DMTN: variants seen among roughly 807,000 people sequenced by gnomAD.
DMTN encodes dematin actin binding protein.
A neutral mutation model predicts 59.4 loss-of-function variants in DMTN; 27 were observed. The observed-to-expected ratio is 0.45, with a 90% CI of 0.33 to 0.63. The LOEUF (loss-of-function observed/expected upper bound fraction) is 0.63, where lower values mean the gene tolerates loss of function less well. Ranked by LOEUF, DMTN falls within the 20% of genes least tolerant of loss-of-function variation. DMTN has a pLI of 0.02. For synonymous variants in DMTN, 221 were observed against 203.7 expected (o/e 1.08, Z -0.72); for missense variants, 451 against 528.9 (o/e 0.85, Z 1.45).
At chr8:22,068,069 G>A (rs1050438728) in intron 4 of DMTN, among the ~76,000 whole-genome samples, 1 of 152,196 alleles carries the variant, frequency 6.6e-6, no homozygotes, top group Non-Finnish European at 1.5e-5. Flanking sequence ...CCATCCACGC[G>A]CAAGGTAGTG....
At chr8:22,078,737 T>C (rs1050769732) in intron 10 of DMTN, among the ~76,000 whole-genome samples, 2 of 151,502 alleles carry the variant, frequency 1.3e-5, no homozygotes, top group East Asian at 3.9e-4. Context: ...TGTTGACTGC[T>C]GGTACAATCC....
At position 22,080,411 on chromosome 8, in the gene DMTN, G is replaced by A; in HGVS notation, c.901-1G>A. 6.2e-7 allele frequency: 1 copy of A among 1,614,266 alleles called. No homozygotes were observed. Among genetic ancestry groups the A allele is most frequent in the Non-Finnish European group, 8.5e-7 (1 of 1,180,054 alleles). The stretch of plus-strand genomic sequence containing the variant: ...CTCTGATTCCTTTGTGTCCTTTCTA[G>A]CTACAGTCCACAGAGTTCAGCCCAT... On this transcript the variant is annotated splice_acceptor_variant, in intron 11 of 15. Coordinates refer to ENST00000358242, the MANE Select transcript of DMTN (RefSeq NM_001387751.1). LOFTEE classifies it high-confidence loss of function.
upstream of DMTN, chr8:22,049,182 G>C (rs1027621823): frequency 6.7e-6 from 1 of 149,126 alleles, no homozygotes; most frequent in African/African-American, 2.4e-5. Context: ...GCGGCCCGCG[G>C]ACGCCAGGAG....
upstream of DMTN, among the ~76,000 whole-genome samples, chr8:22,056,499 C>T (rs1802642862): frequency 6.6e-6 from 1 of 152,118 alleles, no homozygotes; most frequent in African/African-American, 2.4e-5. Context: ...CTCCCTCGAC[C>T]CACCGCCCAC....
chr8:22,069,336 G>A, intron 5 of DMTN, 83 bp from the exon 6 acceptor site: 2 of 1,222,532 alleles, frequency 1.6e-6, no homozygotes, highest in South Asian at 2.7e-5. Flanking sequence ...TGGGAGGACA[G>A]AGAGGGTGGT....
chr8:22,073,095 A>G (rs1036618923), intron 9 of DMTN, among the ~76,000 whole-genome samples: 5 of 152,214 alleles, frequency 3.3e-5, no homozygotes, highest in African/African-American at 1.2e-4. Flanking sequence ...GACCATTGAC[A>G]GTGACATGGG....
At chr8:22,054,862 C>G (rs545873219), upstream of DMTN, 30 of 152,846 alleles carry the variant, frequency 2.0e-4, no homozygotes, top group African/African-American at 5.5e-4. Context: ...TCCTCCCCCC[C>G]TCCCTGCTGC....
upstream of DMTN, chr8:22,048,952 C>T (rs1383522146): frequency 6.8e-6 from 1 of 146,286 alleles, no homozygotes; most frequent in East Asian, 2.0e-4. This position sits in a 1 kb window ranked among gnomAD's most constrained non-coding sequence, Gnocchi z 6.9. Flanking sequence ...GGCTCGGCCC[C>T]GCGGGAGGCG....
At chr8:22,071,476 C>T (rs1235123176) in intron 8 of DMTN, among the ~76,000 whole-genome samples, 2 of 151,756 alleles carry the variant, frequency 1.3e-5, no homozygotes, top group Non-Finnish European at 2.9e-5. Context: ...CTCACTGCAA[C>T]TTCTACCACC....
intron 4 of DMTN, 142 bp downstream of exon 4, chr8:22,067,824 G>C: frequency 1.0e-6 from 1 of 974,178 alleles, no homozygotes; most frequent in Non-Finnish European, 1.5e-6. Context: ...GAACCAACCA[G>C]TCAGTCCATC....
Position 22,081,980 on chromosome 8 carries a change from G to A in DMTN, c.*517G>A, listed in dbSNP as rs1211520035. The A allele has an allele frequency of 6.6e-6, 3 of 456,904 alleles. No individual in the cohort carries two copies. The highest frequency in any genetic ancestry group is 2.3e-5 in the Admixed American group (1 of 42,592). The allele number at this position is 456,904 out of a possible 1,614,324, so 28.3% of individuals were successfully genotyped here. A position where few individuals can be genotyped will look rare whatever the true frequency, so the allele number is the denominator to read the frequency against. On this transcript the variant is annotated 3_prime_UTR_variant, in exon 16 of 16. Coordinates refer to ENST00000358242, the MANE Select transcript of DMTN (RefSeq NM_001387751.1). ...CCCCAGCTCAGCCTCCGGCAGGGAGGTCACCCCTCCACTTCAGCTTGCCCT... is the reference window on the plus strand; with the variant it reads ...CCCCAGCTCAGCCTCCGGCAGGGAGATCACCCCTCCACTTCAGCTTGCCCT...
upstream of DMTN, among the ~76,000 whole-genome samples, chr8:22,054,377 C>G (rs538070916): frequency 9.9e-5 from 15 of 151,914 alleles, no homozygotes; most frequent in Non-Finnish European, 1.6e-4. Context: ...GTCCCTTGCT[C>G]TGAGTTTTCT....
intron 5 of DMTN, 48 bp from the exon 6 acceptor site, chr8:22,069,369 TGG>T (rs760749884): frequency 1.3e-6 from 2 of 1,504,890 alleles, no homozygotes; most frequent in South Asian, 2.3e-5. Flanking sequence ...GGTGCATGTG[TGG>T]GTTGGAGGGG....
At chr8:22,070,498 C>A in intron 8 of DMTN, 164 bp downstream of exon 8, 1 of 775,592 alleles carries the variant, frequency 1.3e-6, no homozygotes, top group South Asian at 2.9e-5. Context: ...CTCACTCACT[C>A]TCTGTGTTCC....
rs1365033167 is a variant in DMTN, at chr8:22,066,867, C to T, written c.-9C>T. The T allele has an allele frequency of 8.6e-6, 12 of 1,402,058 alleles. No homozygotes were observed. Among genetic ancestry groups the T allele is most frequent in the Non-Finnish European group, 1.0e-5 (11 of 1,075,180 alleles). The allele number at this position is 1,402,058 out of a possible 1,614,324, so 86.9% of individuals were successfully genotyped here. A position where few individuals can be genotyped will look rare whatever the true frequency, so the allele number is the denominator to read the frequency against. On this transcript the variant is annotated 5_prime_UTR_variant, in exon 2 of 16. Transcript: ENST00000358242. ...CTGCGAGTGACCCGGCGGGCGAGCT[C>T]CGTGCTGCATGGAACGGCTGCAGAA... is the stretch of plus-strand genomic sequence containing the variant.
At chr8:22,071,541 CCCA>C (rs1219147479) in intron 8 of DMTN, among the ~76,000 whole-genome samples, 1 of 147,672 alleles carries the variant, frequency 6.8e-6, no homozygotes, top group Non-Finnish European at 1.5e-5. Context: ...ATTACAGGTG[CCCA>C]CCACCACACC....
chr8:22,078,348 G>C (rs1469434237), intron 10 of DMTN, among the ~76,000 whole-genome samples: 1 of 150,600 alleles, frequency 6.6e-6, no homozygotes, highest in Non-Finnish European at 1.5e-5. Context: ...CTAGGCAACA[G>C]AGTGAGACTC....
chr8:22,072,242 GCAGTGCA>G, intron 8 of DMTN, 77 bp from the exon 9 acceptor site: 1 of 1,484,754 alleles, frequency 6.7e-7, no homozygotes, highest in Non-Finnish European at 9.0e-7. Flanking sequence ...CCAGCCCAGA[GCAGTGCA>G]CAGAGGCTGT....
intron 10 of DMTN, among the ~76,000 whole-genome samples, chr8:22,077,553 T>C (rs1049811214): frequency 6.6e-6 from 1 of 152,108 alleles, no homozygotes; most frequent in Admixed American, 6.6e-5. Flanking sequence ...TAAAGAATGA[T>C]GTGGAGAGAG....
Sources: gnomAD v4.1 joint callset for allele counts (sites outside exome capture counted in the v4.1 genomes callset) on GRCh38, gnomAD v4.1.1 for gene constraint, Gnocchi (gnomAD v3.1) non-coding constraint, MANE v1.5 for transcripts, NCBI Gene and HGNC (gene_info 2026-07-23, HGNC 2026-07-21) for gene names.